The following MPHOSPH9 variants were observed in gnomAD, a reference collection of about 807,000 sequenced individuals.
MPHOSPH9 encodes the protein M-phase phosphoprotein 9.
Under a neutral mutation model 145.5 loss-of-function variants are expected in MPHOSPH9, and 88 were observed. The observed-to-expected ratio is 0.60, with a 90% CI of 0.51 to 0.72. MPHOSPH9 has a LOEUF of 0.72. MPHOSPH9 is among the 30% of genes least tolerant of loss of function. The pLI, the probability that MPHOSPH9 is intolerant of heterozygous loss-of-function variation, is 0.00. For missense variants in MPHOSPH9, 1,238 were observed against 1,386.6 expected (o/e 0.89, Z 1.70); for synonymous variants, 435 against 486.2 (o/e 0.89, Z 1.39).
intron 4 of MPHOSPH9, among the ~76,000 whole-genome samples, chr12:123,222,424 G>A (rs781293755): frequency 6.6e-6 from 1 of 152,132 alleles, no homozygotes; most frequent in Non-Finnish European, 1.5e-5. Context: ...CCAGCACTTT[G>A]GGAGGCCAAG....
chr12:123,195,397 C>CTTT (rs1277965251), intron 12 of MPHOSPH9, among the ~76,000 whole-genome samples: 2 of 151,384 alleles, frequency 1.3e-5, no homozygotes, highest in Non-Finnish European at 2.9e-5. Context: ...GCAGCCTGGC[C>CTTT]AACATGGTGA....
downstream of MPHOSPH9, among the ~76,000 whole-genome samples, chr12:123,154,002 G>T (rs1328902018): frequency 6.6e-6 from 1 of 152,142 alleles, no homozygotes; most frequent in Non-Finnish European, 1.5e-5. Context: ...GCCCAGCTCT[G>T]CACAACCCTA....
At chr12:123,197,069 G>A (rs113439251) in intron 12 of MPHOSPH9, among the ~76,000 whole-genome samples, 5,597 of 116,740 alleles carry the variant, frequency 0.048, 163 homozygotes, top group Middle Eastern at 0.077. Context: ...TGAGGAAAAT[G>A]TCCTAAAATT....
Position 123,155,572 on chromosome 12 carries a change from T to C in MPHOSPH9, c.*1235A>G, listed in dbSNP as rs1026221988. 6.6e-6 allele frequency: 1 copy of C among 152,254 alleles called. No homozygotes were observed. The highest frequency in any genetic ancestry group is 2.4e-5 in the African/African-American group (1 of 41,456). 9.4% of individuals were successfully genotyped at this position (152,254 alleles called of 1,614,324 possible). On this transcript the variant is annotated 3_prime_UTR_variant, in exon 24 of 24. Transcript: ENST00000606320. ...TACGAATCCATTTTGAAAGTTTGGA[T>C]GAGTCTGTTTATCAACATGTACCGA... is the stretch of plus-strand genomic sequence containing the variant.
chr12:123,190,974 C>T (rs552768673), intron 13 of MPHOSPH9, among the ~76,000 whole-genome samples: 5 of 152,262 alleles, frequency 3.3e-5, no homozygotes, highest in African/African-American at 9.6e-5. Context: ...CTATCCTTTG[C>T]TGCTTGATTG....
At chr12:123,177,625 C>A (rs1312167753) in intron 15 of MPHOSPH9, among the ~76,000 whole-genome samples, 1 of 152,016 alleles carries the variant, frequency 6.6e-6, no homozygotes, top group Non-Finnish European at 1.5e-5. Context: ...AGGAACATTT[C>A]CCATACAACT....
At chr12:123,174,508 G>A (rs2044739295) in intron 16 of MPHOSPH9, among the ~76,000 whole-genome samples, 1 of 151,876 alleles carries the variant, frequency 6.6e-6, no homozygotes, top group South Asian at 2.1e-4. Flanking sequence ...GAGTAGCTGG[G>A]ACTACAGGCG....
At chr12:123,166,823 G>T (rs754121437) in intron 16 of MPHOSPH9, 34 bp from the exon 17 acceptor site, 2 of 1,598,534 alleles carry the variant, frequency 1.3e-6, no homozygotes, top group Non-Finnish European at 1.7e-6. Flanking sequence ...CATTATAAAG[G>T]TCTGCACTTC....
chr12:123,166,657 T>C lies in MPHOSPH9; in HGVS notation c.2589A>G (p.Leu863=). The C allele has an allele frequency of 6.2e-7, 1 of 1,612,214 alleles. No individual in the cohort carries two copies. Among genetic ancestry groups the C allele is most frequent in the Non-Finnish European group, 8.5e-7 (1 of 1,179,552 alleles). ...AATCTTTAGCAAAGTTATCTCACCC[T>C]AGGCTACAGGTTTCCTCCAGCTGGT... The part of the protein sequence containing the change: ...VDNQLEETCS[L]GHRSPLEKDS... Residue 863 remains leucine (L), a splice_region_variant and synonymous_variant, in exon 17 of 24, where the codon CTA becomes CTG. Coordinates refer to ENST00000606320, the MANE Select transcript of MPHOSPH9 (RefSeq NM_022782.4).
chr12:123,230,808 G>C (rs1027513446), intron 1 of MPHOSPH9, among the ~76,000 whole-genome samples: 4 of 152,184 alleles, frequency 2.6e-5, no homozygotes, highest in East Asian at 3.8e-4. Flanking sequence ...AAAAAAGCCA[G>C]TCACAAAAGA....
In MPHOSPH9 at chr12:123,159,211, C is replaced by A. The variant is rs1359337230; in HGVS notation, c.3450+1570G>T. ...ACGGAGTCTTGCTCTGTCACCCAGG[C>A]CGAGTGCAGTGGCACGATCTCAGCT... On this transcript the variant is annotated intron_variant, in intron 23 of 23. Transcript: ENST00000606320. This position sits in a 1 kb window ranked among gnomAD's most constrained non-coding sequence, Gnocchi z 4.3. Among the ~76,000 whole-genome samples the A allele has an allele frequency of 2.0e-5, 3 of 152,062 alleles. No individual in the cohort carries two copies. Among genetic ancestry groups the A allele is most frequent in the Non-Finnish European group, 4.4e-5 (3 of 68,004 alleles).
At chr12:123,175,821 TAAAAA>T (rs75867409) in intron 16 of MPHOSPH9, among the ~76,000 whole-genome samples, 1 of 131,760 alleles carries the variant, frequency 7.6e-6, no homozygotes, top group African/African-American at 2.8e-5. Context: ...ATCTTTTCTT[TAAAAA>T]AAAAAAAAAA....
intron 16 of MPHOSPH9, among the ~76,000 whole-genome samples, chr12:123,168,038 C>G (rs1386384537): frequency 1.3e-5 from 2 of 152,186 alleles, no homozygotes; most frequent in African/African-American, 4.8e-5. Context: ...CTGCCTCCCG[C>G]CCTCAAGCTT....
At chr12:123,183,565 A>G (rs1030421190) in intron 13 of MPHOSPH9, among the ~76,000 whole-genome samples, 22 of 151,338 alleles carry the variant, frequency 1.5e-4, no homozygotes, top group African/African-American at 4.3e-4. Flanking sequence ...AAAAAAAAAA[A>G]AAAAAGAAAA....
At chr12:123,179,315 C>T (rs1224324958) in intron 15 of MPHOSPH9, among the ~76,000 whole-genome samples, 3 of 152,084 alleles carry the variant, frequency 2.0e-5, no homozygotes, top group African/African-American at 7.2e-5. Context: ...TGGCTTATGC[C>T]TGAATCCCAG....
chr12:123,232,495 A>C (rs1034008798), intron 1 of MPHOSPH9, among the ~76,000 whole-genome samples: 12 of 152,154 alleles, frequency 7.9e-5, no homozygotes, highest in African/African-American at 2.7e-4. Flanking sequence ...GGAGCTGGGG[A>C]AAAGGAACGA....
In MPHOSPH9 at chr12:123,159,451, T is replaced by C. The variant is rs1411741585; in HGVS notation, c.3450+1330A>G. Among the ~76,000 whole-genome samples, 1 of 152,040 alleles carries C rather than the reference T, an allele frequency of 6.6e-6. No homozygotes were observed. The highest frequency in any genetic ancestry group is 2.1e-4 in the South Asian group (1 of 4,818). On this transcript the variant is annotated intron_variant, in intron 23 of 23. Coordinates refer to ENST00000606320, the MANE Select transcript of MPHOSPH9 (RefSeq NM_022782.4). This position sits in a 1 kb window ranked among gnomAD's most constrained non-coding sequence, Gnocchi z 4.3. ...GTGCTGGGATTACAGGCATAAGCCATTGCGCCTGGCCATGGCAGGTTTTTT... is the reference window on the plus strand; with the variant it reads ...GTGCTGGGATTACAGGCATAAGCCACTGCGCCTGGCCATGGCAGGTTTTTT...
At chr12:123,181,387 G>C (rs1360137166) in intron 13 of MPHOSPH9, among the ~76,000 whole-genome samples, 177 bp from the exon 14 acceptor site, 3 of 152,024 alleles carry the variant, frequency 2.0e-5, no homozygotes, top group African/African-American at 7.2e-5. Flanking sequence ...CTCAATTTCT[G>C]GAATGGTTTC....
chr12:123,176,506 C>T (rs1044252617), intron 16 of MPHOSPH9, among the ~76,000 whole-genome samples, 182 bp downstream of exon 16: 2 of 152,164 alleles, frequency 1.3e-5, no homozygotes, highest in Non-Finnish European at 2.9e-5. Context: ...AAGATATTTC[C>T]TCATTTTAGC....
Sources: allele counts gnomAD v4.1 joint callset (sites outside exome capture counted in the v4.1 genomes callset), GRCh38; gene constraint gnomAD v4.1.1; non-coding constraint Gnocchi (gnomAD v3.1); transcripts MANE v1.5; gene names NCBI Gene and HGNC (gene_info 2026-07-23, HGNC 2026-07-21).